XYLT1: variants seen among roughly 807,000 people sequenced by gnomAD.
XYLT1 encodes beta-D-xylosyltransferase 1.
Under a neutral mutation model 91.3 loss-of-function variants are expected in XYLT1, and 36 were observed. The ratio of observed to expected loss-of-function variants is 0.39; its 90% CI spans 0.30 to 0.52. The LOEUF is 0.52. Ranked by LOEUF, XYLT1 falls within the 20% of genes least tolerant of loss-of-function variation. XYLT1 has a pLI of 0.68. For missense variants in XYLT1, 1,242 were observed against 1,284.5 expected (o/e 0.97, Z 0.51); for synonymous variants, 588 against 532.0 (o/e 1.11, Z -1.45).
Position 17,435,843 on chromosome 16 carries a change from T to A in XYLT1, c.363+34591A>T, listed in dbSNP as rs111399463. Among the ~76,000 whole-genome samples, 1,278 of 152,288 alleles carry A rather than the reference T, an allele frequency of 8.4e-3. 19 individuals are homozygous for A. Among genetic ancestry groups the A allele is most frequent in the African/African-American group, 0.029 (1,206 of 41,562 alleles). Reference sequence around the variant, plus strand: ...TTGTGCAGTTACTGAAGAATTTGTATGTACTATAGGAGGCATGAAGAATGC... The same window carrying A: ...TTGTGCAGTTACTGAAGAATTTGTAAGTACTATAGGAGGCATGAAGAATGC... On this transcript the variant is annotated intron_variant, in intron 1 of 11. Coordinates refer to ENST00000261381, the MANE Select transcript of XYLT1 (RefSeq NM_022166.4).
intron 1 of XYLT1, among the ~76,000 whole-genome samples, chr16:17,369,969 C>A (rs115519071): frequency 6.6e-6 from 1 of 152,130 alleles, no homozygotes; most frequent in Admixed American, 6.5e-5. Context: ...TCCTTCTGTT[C>A]GGGGCAGCCT....
At chr16:17,139,226 C>CAAAT (rs1239096404) in intron 7 of XYLT1, among the ~76,000 whole-genome samples, 1 of 152,192 alleles carries the variant, frequency 6.6e-6, no homozygotes, top group Non-Finnish European at 1.5e-5. Context: ...CAGTCCCAGG[C>CAAAT]AAATATATTT....
chr16:17,239,733 TTCCATCCATCCACCCACCCAGCCTGTCCA>T (rs1468330667), intron 3 of XYLT1, among the ~76,000 whole-genome samples: 1 of 148,044 alleles, frequency 6.8e-6, no homozygotes, highest in Non-Finnish European at 1.5e-5. Flanking sequence ...CTGTCTGTCC[TTCCATCCATCCACCCACCCAGCCTGTCCA>T]TCCATCCATC....
chr16:17,454,507 G>A (rs2036709347), intron 1 of XYLT1, among the ~76,000 whole-genome samples: 1 of 151,618 alleles, frequency 6.6e-6, no homozygotes, highest in Non-Finnish European at 1.5e-5. Context: ...GGACATGGCT[G>A]TGTTCCAATA....
intron 8 of XYLT1, 180 bp downstream of exon 8, chr16:17,138,161 GTGGTTAGAACATCC>G (rs2030821903): frequency 1.7e-6 from 1 of 592,040 alleles, no homozygotes; most frequent in Non-Finnish European, 2.8e-6. Flanking sequence ...ATGAGTCAAT[GTGGTTAGAACATCC>G]CTGAAGTAAG....
chr16:17,280,086 C>T (rs1050715956), intron 2 of XYLT1, among the ~76,000 whole-genome samples: 1 of 152,222 alleles, frequency 6.6e-6, no homozygotes, highest in Non-Finnish European at 1.5e-5. Context: ...CGTGGTGGCT[C>T]ATGCCTATAA....
At chr16:17,135,399 G>A (rs1000255651) in intron 8 of XYLT1, among the ~76,000 whole-genome samples, 1 of 152,084 alleles carries the variant, frequency 6.6e-6, no homozygotes, top group African/African-American at 2.4e-5. Flanking sequence ...GCACACACCT[G>A]TAGTCCCAGC....
Position 17,108,908 on chromosome 16 carries a change from T to C in XYLT1, c.2667A>G (p.Glu889=). Residue 889 remains glutamate (E), a synonymous_variant, in exon 12 of 12, where the codon GAA becomes GAG. Coordinates refer to ENST00000261381, the MANE Select transcript of XYLT1 (RefSeq NM_022166.4). ...LSLPINPAQV[E]QARRNAASTG... ...TGGAGGCTGCGTTCCTCCGTGCCTG[T>C]TCCACCTGGGCGGGGTTGATGGGCA... 6.2e-7 allele frequency: 1 copy of C among 1,606,870 alleles called. No individual in the cohort carries two copies. The highest frequency in any genetic ancestry group is 8.5e-7 in the Non-Finnish European group (1 of 1,174,884).
At chr16:17,328,527 T>C (rs796537077) in intron 2 of XYLT1, among the ~76,000 whole-genome samples, 32 of 115,722 alleles carry the variant, frequency 2.8e-4, no homozygotes, top group African/African-American at 1.0e-3. Flanking sequence ...CCAGCTTGGG[T>C]GACTGAGCAA....
At chr16:17,307,589 G>A (rs2034486958) in intron 2 of XYLT1, among the ~76,000 whole-genome samples, 1 of 152,194 alleles carries the variant, frequency 6.6e-6, no homozygotes, top group Non-Finnish European at 1.5e-5. Context: ...CCTTGAAGAG[G>A]CCAGTAACAT....
intron 1 of XYLT1, among the ~76,000 whole-genome samples, chr16:17,436,707 T>G (rs543354343): frequency 6.6e-6 from 1 of 152,208 alleles, no homozygotes. Flanking sequence ...ATGACCTCAA[T>G]ACAATATGAT....
chr16:17,196,854 G>A (rs2032435817), intron 5 of XYLT1, among the ~76,000 whole-genome samples: 1 of 151,578 alleles, frequency 6.6e-6, no homozygotes, highest in African/African-American at 2.4e-5. Flanking sequence ...GGATCACCTG[G>A]GGCCAGGAGT....
chr16:17,357,733 A>G (rs918729718), intron 2 of XYLT1, among the ~76,000 whole-genome samples: 1 of 152,228 alleles, frequency 6.6e-6, no homozygotes. Context: ...GGAGCGAAGG[A>G]CAGACGAAAA....
At chr16:17,343,896 C>G (rs113712355) in intron 2 of XYLT1, among the ~76,000 whole-genome samples, 2,830 of 152,200 alleles carry the variant, frequency 0.019, 37 homozygotes, top group Non-Finnish European at 0.029. Context: ...CACTTGGAAG[C>G]AAAAAATTAA....
At chr16:17,391,251 G>T (rs956782604) in intron 1 of XYLT1, among the ~76,000 whole-genome samples, 3 of 152,104 alleles carry the variant, frequency 2.0e-5, no homozygotes, top group African/African-American at 7.2e-5. Context: ...ACTAGGGGAA[G>T]ATTTTTACAT....
intron 3 of XYLT1, among the ~76,000 whole-genome samples, chr16:17,212,511 C>A (rs890260674): frequency 2.0e-5 from 3 of 152,048 alleles, no homozygotes; most frequent in Admixed American, 6.6e-5. Context: ...AGAATTTTAC[C>A]CAAACATATC....
chr16:17,380,747 T>C (rs2035669643), intron 1 of XYLT1, among the ~76,000 whole-genome samples: 1 of 152,208 alleles, frequency 6.6e-6, no homozygotes, highest in Non-Finnish European at 1.5e-5. Context: ...AAAGCTAGCC[T>C]AGTGTCCCTC....
rs547601627 is a variant in XYLT1 at position 17,401,371 on chromosome 16, C to A, written c.364-43321G>T. On this transcript the variant is annotated intron_variant, in intron 1 of 11. Coordinates refer to ENST00000261381, the MANE Select transcript of XYLT1 (RefSeq NM_022166.4). ...AGTTCAATCTCTGCCTAAATTTATA[C>A]AGAGAGATATACTTATGGGCACATA... 1.0e-3 allele frequency among the ~76,000 whole-genome samples: 159 copies of A among 152,282 alleles called. 2 individuals are homozygous for A. Among genetic ancestry groups the A allele is most frequent in the African/African-American group, 3.8e-3 (158 of 41,552 alleles).
intron 2 of XYLT1, among the ~76,000 whole-genome samples, chr16:17,297,757 C>T (rs2034333561): frequency 6.6e-6 from 1 of 151,868 alleles, no homozygotes; most frequent in Non-Finnish European, 1.5e-5. Context: ...CGCGGTGGCT[C>T]ACGCCTGTAA....
Sources: allele counts gnomAD v4.1 joint callset (sites outside exome capture counted in the v4.1 genomes callset), GRCh38; gene constraint gnomAD v4.1.1; transcripts MANE v1.5; gene names NCBI Gene and HGNC (gene_info 2026-07-23, HGNC 2026-07-21).